COL6A6: variants seen among roughly 807,000 people sequenced by gnomAD.
COL6A6 encodes collagen type VI alpha 6 chain, also known as collagen alpha-6(VI) chain.
Under a neutral mutation model 208.6 loss-of-function variants are expected in COL6A6, and 183 were observed. The observed-to-expected ratio is 0.88, with a 90% confidence interval of 0.78 to 0.99. The LOEUF (loss-of-function observed/expected upper bound fraction) is 0.99, where lower values mean the gene tolerates loss of function less well. COL6A6 is among the 50% of genes least tolerant of loss of function. COL6A6 has a pLI of 0.00. For missense variants in COL6A6, 2,816 were observed against 2,815.2 expected (o/e 1.00, Z -0.01); for synonymous variants, 973 against 1,011.8 (o/e 0.96, Z 0.73).
intron 1 of COL6A6, among the ~76,000 whole-genome samples, chr3:130,536,614 A>G (rs918671503): frequency 1.3e-5 from 2 of 152,202 alleles, no homozygotes; most frequent in Admixed American, 1.3e-4. Flanking sequence ...ACACACATCT[A>G]AGGAAACCAA....
chr3:130,672,937 G>A (rs1408171748), intron 36 of COL6A6, among the ~76,000 whole-genome samples: 1 of 151,064 alleles, frequency 6.6e-6, no homozygotes, highest in African/African-American at 2.4e-5. Context: ...CGAAACCCGG[G>A]GGGGCAAAGG....
intron 17 of COL6A6, 110 bp downstream of exon 17, chr3:130,593,362 A>G: frequency 1.2e-6 from 1 of 821,252 alleles, no homozygotes; most frequent in Non-Finnish European, 2.0e-6. Flanking sequence ...TGTGACAGTC[A>G]TAAAACCTCA....
At chr3:130,675,112 A>C in intron 36 of COL6A6, 90 bp from the exon 37 acceptor site, 1 of 859,710 alleles carries the variant, frequency 1.2e-6, no homozygotes, top group Non-Finnish European at 1.6e-6. Flanking sequence ...GAAATGGGTG[A>C]AACAATTAAT....
intron 1 of COL6A6, among the ~76,000 whole-genome samples, chr3:130,560,096 A>G (rs1346815922): frequency 6.6e-6 from 1 of 152,172 alleles, no homozygotes; most frequent in Non-Finnish European, 1.5e-5. Flanking sequence ...CCTTCTACCA[A>G]CTGTCCAAAA....
chr3:130,527,890 CTTTTTTTTTTTTTTTTT>C (rs56110472), intron 1 of COL6A6, among the ~76,000 whole-genome samples: 1 of 57,816 alleles, frequency 1.7e-5, no homozygotes, highest in Non-Finnish European at 3.5e-5. Context: ...GTTACTTTTC[CTTTTTTTTTTTTTTTTT>C]TTTTTTTTGG....
At chr3:130,535,602 C>T (rs895202794) in intron 1 of COL6A6, among the ~76,000 whole-genome samples, 6 of 151,744 alleles carry the variant, frequency 4.0e-5, no homozygotes, top group Admixed American at 6.6e-5. Flanking sequence ...GCTATTTTTA[C>T]GTGTTTGAGA....
Position 130,608,635 on chromosome 3 carries a change from G to A in COL6A6, c.4690-267G>A, listed in dbSNP as rs2064257064. 2.0e-5 allele frequency among the ~76,000 whole-genome samples: 3 copies of A among 151,920 alleles called. No homozygotes were observed. In the South Asian group the frequency reaches 6.2e-4, roughly 31 times the overall value. ...AATACAAATTTTATAAGAAAGGGGT[G>A]GGGGCTGCATGTGTGCATGCATGCA... On this transcript the variant is annotated intron_variant, in intron 21 of 36. Transcript: ENST00000358511.
At chr3:130,604,494 C>CAAAA (rs559789872) in intron 20 of COL6A6, among the ~76,000 whole-genome samples, 11 of 84,000 alleles carry the variant, frequency 1.3e-4, no homozygotes, top group Admixed American at 5.4e-4. Flanking sequence ...GACTCCGTCT[C>CAAAA]AAAAAAAAAA....
chr3:130,615,890 C>T (rs2064503000), intron 23 of COL6A6, among the ~76,000 whole-genome samples: 1 of 152,122 alleles, frequency 6.6e-6, no homozygotes, highest in South Asian at 2.1e-4. Context: ...TTTAATCTTG[C>T]TTTGGCAAGA....
At position 130,551,589 on chromosome 3, in the gene COL6A6, A is replaced by AT. The variant is rs1244789507; in HGVS notation, c.-31-8738dup. Among the ~76,000 whole-genome samples the AT allele has an allele frequency of 2.3e-5, 3 of 128,516 alleles. No homozygotes were observed. The East Asian group carries it at 6.7e-4, about 29-fold the overall frequency. 84.3% of individuals were successfully genotyped at this position (128,516 alleles called of 152,430 possible). On this transcript the variant is annotated intron_variant, in intron 1 of 36. Coordinates refer to ENST00000358511, the MANE Select transcript of COL6A6 (RefSeq NM_001102608.3). Reference sequence around the variant, plus strand: ...TTAGTCTAGCTAACATCTCTTATTAATTTTTTTCAAAGAACCAACCCTGGA... The same window carrying AT: ...TTAGTCTAGCTAACATCTCTTATTAATTTTTTTTCAAAGAACCAACCCTGGA...
At chr3:130,672,024 A>G (rs560155928) in intron 36 of COL6A6, among the ~76,000 whole-genome samples, 73 of 152,370 alleles carry the variant, frequency 4.8e-4, no homozygotes, top group Middle Eastern at 3.4e-3. Flanking sequence ...TGCATCTGTT[A>G]TAATTCTGCT....
At chr3:130,556,508 A>G (rs1485418074) in intron 1 of COL6A6, among the ~76,000 whole-genome samples, 1 of 152,172 alleles carries the variant, frequency 6.6e-6, no homozygotes, top group Non-Finnish European at 1.5e-5. Flanking sequence ...TCTTTAAAAT[A>G]CTTTCCTTAT....
chr3:130,609,032 C>T, intron 22 of COL6A6, 68 bp downstream of exon 22: 1 of 1,176,862 alleles, frequency 8.5e-7, no homozygotes, highest in Non-Finnish European at 1.3e-6. Context: ...AATCTGAGGA[C>T]CTGATAGAAA....
intron 36 of COL6A6, among the ~76,000 whole-genome samples, chr3:130,667,347 C>T (rs1030816977): frequency 3.0e-4 from 46 of 152,144 alleles, no homozygotes; most frequent in Admixed American, 3.3e-4. Context: ...AGCAATTCTC[C>T]TGCCTCAGCC....
At chr3:130,599,063 G>A (rs2063929325) in intron 19 of COL6A6, among the ~76,000 whole-genome samples, 1 of 152,148 alleles carries the variant, frequency 6.6e-6, no homozygotes, top group East Asian at 1.9e-4. Context: ...ATGCTCCGTT[G>A]CTTACCAGCT....
intron 23 of COL6A6, among the ~76,000 whole-genome samples, chr3:130,616,048 A>C (rs994206230): frequency 6.6e-5 from 10 of 152,298 alleles, no homozygotes; most frequent in African/African-American, 2.4e-4. Context: ...TACCTTTGTC[A>C]GTACAGTGAA....
chr3:130,517,158 G>C (rs1261936753), upstream of COL6A6, among the ~76,000 whole-genome samples: 3 of 152,148 alleles, frequency 2.0e-5, no homozygotes, highest in African/African-American at 7.2e-5. Context: ...TTTATATGTC[G>C]GCGAGGGGCG....
chr3:130,626,576 G>A, intron 25 of COL6A6, 29 bp downstream of exon 25: 2 of 1,555,098 alleles, frequency 1.3e-6, no homozygotes, highest in Non-Finnish European at 8.9e-7. Context: ...GTTTTGATCG[G>A]ATTCTTGGAA....
chr3:130,565,343 G>A lies in COL6A6; in HGVS notation c.1011G>A (p.Val337=), dbSNP rs770936194. 1.2e-6 allele frequency: 2 copies of A among 1,608,842 alleles called. No individual in the cohort carries two copies. Among genetic ancestry groups the A allele is most frequent in the Non-Finnish European group, 1.7e-6 (2 of 1,177,800 alleles). Residue 337 remains valine, a synonymous_variant, in exon 4 of 37, where the codon GTG becomes GTA. Coordinates refer to ENST00000358511, the MANE Select transcript of COL6A6 (RefSeq NM_001102608.3). ...ATCAGGGGGTGCCCCAGATTGCCGT[G>A]CTGGTGACCCACCGAGATTCAGAAG... ...RKNQGVPQIA[V]LVTHRDSEDN...
Sources: allele counts gnomAD v4.1 joint callset (sites outside exome capture counted in the v4.1 genomes callset), GRCh38; gene constraint gnomAD v4.1.1; transcripts MANE v1.5; gene names NCBI Gene and HGNC (gene_info 2026-07-23, HGNC 2026-07-21).